Variants in LRRTM4 observed in about 807,000 individuals in gnomAD.
The protein encoded by LRRTM4 is leucine-rich repeat transmembrane neuronal protein 4.
In LRRTM4, 25 loss-of-function variants were observed where a neutral mutation model predicts 47.6. The ratio of observed to expected loss-of-function variants is 0.53; its 90% CI spans 0.38 to 0.73. The LOEUF (loss-of-function observed/expected upper bound fraction) is 0.73. Among genes scored for constraint, LRRTM4 ranks in the 30% least tolerant of loss-of-function variants. The probability of loss-of-function intolerance (pLI) is 0.00; values close to 1 mark genes in which losing one functional copy is unlikely to be tolerated. For missense variants in LRRTM4, 638 were observed against 713.4 expected (o/e 0.89, Z 1.20); for synonymous variants, 311 against 269.5 (o/e 1.15, Z -1.51).
chr2:77,156,666 T>C (rs1672568552), intron 3 of LRRTM4, among the ~76,000 whole-genome samples: 1 of 150,392 alleles, frequency 6.6e-6, no homozygotes, highest in Non-Finnish European at 1.5e-5. Context: ...CGGGGTGAGG[T>C]AGAAAAATGG....
At chr2:76,980,773 GA>G (rs1676579261) in intron 3 of LRRTM4, among the ~76,000 whole-genome samples, 1 of 152,102 alleles carries the variant, frequency 6.6e-6, no homozygotes, top group South Asian at 2.1e-4. Context: ...TAGATGTCAA[GA>G]AATGCCGGAT....
intron 3 of LRRTM4, among the ~76,000 whole-genome samples, chr2:77,285,817 C>T (rs1380774466): frequency 1.3e-5 from 2 of 151,906 alleles, no homozygotes; most frequent in African/African-American, 4.8e-5. Context: ...GTATTCTATA[C>T]CTTCCAAATT....
intron 3 of LRRTM4, among the ~76,000 whole-genome samples, chr2:76,932,401 T>G (rs1002262730): frequency 6.6e-6 from 1 of 152,072 alleles, no homozygotes; most frequent in Non-Finnish European, 1.5e-5. Flanking sequence ...ATGTATACAT[T>G]ATGATATGTA....
intron 3 of LRRTM4, among the ~76,000 whole-genome samples, chr2:77,070,882 T>C (rs1351737325): frequency 6.6e-6 from 1 of 152,122 alleles, no homozygotes; most frequent in Non-Finnish European, 1.5e-5. Flanking sequence ...CCTCCCAAAG[T>C]GCTGGGATTA....
chr2:77,034,879 A>G (rs903990182), intron 3 of LRRTM4, among the ~76,000 whole-genome samples: 1 of 151,870 alleles, frequency 6.6e-6, no homozygotes, highest in Non-Finnish European at 1.5e-5. Flanking sequence ...TAAAGAGAAG[A>G]TTTCATTTAT....
intron 3 of LRRTM4, among the ~76,000 whole-genome samples, chr2:77,209,016 A>T (rs1674219003): frequency 1.3e-5 from 2 of 151,918 alleles, no homozygotes; most frequent in South Asian, 4.2e-4. Context: ...TCTAACCTTC[A>T]CTCAGCCTTC....
chr2:76,839,990 G>A (rs1671625125), intron 3 of LRRTM4, among the ~76,000 whole-genome samples: 1 of 152,024 alleles, frequency 6.6e-6, no homozygotes, highest in South Asian at 2.1e-4. Flanking sequence ...ATCTGGCCCT[G>A]AAGACACAAT....
intron 3 of LRRTM4, among the ~76,000 whole-genome samples, chr2:77,390,867 C>A (rs2103813924): frequency 6.6e-6 from 1 of 151,222 alleles, no homozygotes; most frequent in African/African-American, 2.4e-5. Flanking sequence ...AATTTTTAAT[C>A]TTTTTGAGCA....
chr2:77,323,904 G>T (rs1383409855), intron 3 of LRRTM4, among the ~76,000 whole-genome samples: 1 of 151,948 alleles, frequency 6.6e-6, no homozygotes, highest in African/African-American at 2.4e-5. Flanking sequence ...GCTGATATAA[G>T]AATTAAGGGA....
At chr2:76,970,968 C>T (rs1319288372) in intron 3 of LRRTM4, among the ~76,000 whole-genome samples, 2 of 151,794 alleles carry the variant, frequency 1.3e-5, no homozygotes, top group South Asian at 2.1e-4. Context: ...TAGAATGTAC[C>T]CCTCTACTCA....
chr2:77,392,348 C>A (rs1280915801), intron 3 of LRRTM4, among the ~76,000 whole-genome samples: 2 of 152,064 alleles, frequency 1.3e-5, no homozygotes, highest in South Asian at 2.1e-4. Flanking sequence ...GTAGCCCAAC[C>A]GCCTTGGGCA....
intron 3 of LRRTM4, among the ~76,000 whole-genome samples, chr2:77,033,401 A>G (rs147851578): frequency 6.7e-6 from 1 of 149,674 alleles, no homozygotes; most frequent in African/African-American, 2.5e-5. Context: ...TAATTAGCTC[A>G]TAAATATGTA....
At chr2:77,062,512 A>C (rs951459262) in intron 3 of LRRTM4, among the ~76,000 whole-genome samples, 3 of 152,178 alleles carry the variant, frequency 2.0e-5, no homozygotes, top group African/African-American at 7.2e-5. Flanking sequence ...CTGATCTGGT[A>C]ATTATTGCAG....
chr2:77,454,506 C>T (rs896708441), intron 3 of LRRTM4, among the ~76,000 whole-genome samples: 3 of 152,008 alleles, frequency 2.0e-5, no homozygotes, highest in Non-Finnish European at 2.9e-5. Flanking sequence ...CAACACAAAA[C>T]GACCATAACA....
At chr2:76,766,723 C>T (rs750556658) in intron 3 of LRRTM4, among the ~76,000 whole-genome samples, 3 of 152,172 alleles carry the variant, frequency 2.0e-5, no homozygotes, top group Non-Finnish European at 2.9e-5. Context: ...TAGTTGTCAA[C>T]CTGTGGCAAT....
intron 3 of LRRTM4, among the ~76,000 whole-genome samples, chr2:77,418,996 TTA>T (rs1246298251): frequency 1.3e-5 from 2 of 152,170 alleles, no homozygotes. Context: ...TGTTTATTGA[TTA>T]TATGTTTCTG....
At chr2:76,859,551 G>T (rs1218771616) in intron 3 of LRRTM4, among the ~76,000 whole-genome samples, 1 of 152,104 alleles carries the variant, frequency 6.6e-6, no homozygotes, top group Non-Finnish European at 1.5e-5. Flanking sequence ...TTTAATTCCT[G>T]TATCCCTAAC....
At chr2:76,920,847 A>T (rs1472149856) in intron 3 of LRRTM4, among the ~76,000 whole-genome samples, 1 of 152,184 alleles carries the variant, frequency 6.6e-6, no homozygotes, top group East Asian at 1.9e-4. Flanking sequence ...TAATTTACTG[A>T]AACTATTTTT....
At chr2:77,076,630 A>G (rs186917922) in intron 3 of LRRTM4, among the ~76,000 whole-genome samples, 134 of 152,320 alleles carry the variant, frequency 8.8e-4, no homozygotes, top group Admixed American at 5.7e-3. Flanking sequence ...AAGCATGGTT[A>G]ATGTCACTGA....
Sources: gnomAD v4.1 joint callset for allele counts (sites outside exome capture counted in the v4.1 genomes callset) on GRCh38, gnomAD v4.1.1 for gene constraint, MANE v1.5 for transcripts, NCBI Gene and HGNC (gene_info 2026-07-23, HGNC 2026-07-21) for gene names.